CLCN4: variants seen among roughly 807,000 people sequenced by gnomAD.
The protein encoded by CLCN4 is H(+)/Cl(-) exchange transporter 4.
Under a neutral mutation model 41.7 loss-of-function variants are expected in CLCN4, and 1 was observed. That is an observed-to-expected ratio of 0.02 (90% CI 0.01 to 0.11). The LOEUF (loss-of-function observed/expected upper bound fraction) is 0.11. Among genes scored for constraint, CLCN4 ranks in the 10% least tolerant of loss-of-function variants. CLCN4 has a pLI of 1.00. For missense variants in CLCN4, 287 were observed against 661.0 expected, an observed-to-expected ratio of 0.43 and a Z score of 6.20; for synonymous variants, 277 against 285.8, an observed-to-expected ratio of 0.97 and a Z score of 0.31.
rs766485816 is a variant in CLCN4, at chrX:10,235,663, A to G, written c.*2079A>G. 9.8e-5 allele frequency: 11 copies of G among 112,152 alleles called. No individual in the cohort carries two copies. Among genetic ancestry groups the G allele is most frequent in the African/African-American group, 3.6e-4 (11 of 30,913 alleles). 9.2% of individuals were successfully genotyped at this position (112,152 alleles called of 1,213,427 possible). ...AAAACCTAGCTACAAATGGGTTTCT[A>G]TGGAACTTCTAATTAATGTGCAAAA... On this transcript the variant is annotated 3_prime_UTR_variant, in exon 13 of 13. Coordinates refer to ENST00000380833, the MANE Select transcript of CLCN4 (RefSeq NM_001830.4).
intron 2 of CLCN4, among the ~76,000 whole-genome samples, chrX:10,159,999 G>T (rs1440370605): frequency 9.1e-6 from 1 of 110,446 alleles, no homozygotes; most frequent in Non-Finnish European, 1.9e-5. Flanking sequence ...CTGGCATTTG[G>T]GGCCAGATAA....
chrX:10,161,956 C>T (rs1923117012), intron 2 of CLCN4, among the ~76,000 whole-genome samples: 1 of 108,754 alleles, frequency 9.2e-6, no homozygotes, highest in Non-Finnish European at 1.9e-5. Flanking sequence ...CTGAGACCCG[C>T]TGACGGTGTG....
At chrX:10,206,863 C>T (rs62588927) in intron 8 of CLCN4, 87 bp downstream of exon 8, 56 of 636,988 alleles carry the variant, frequency 8.8e-5, no homozygotes, top group Non-Finnish European at 1.1e-4. Flanking sequence ...GATAAGATTC[C>T]GGCAGTTAAT....
intron 6 of CLCN4, among the ~76,000 whole-genome samples, chrX:10,204,643 TTTTTTTA>T (rs1924329598): frequency 7.1e-5 from 6 of 84,856 alleles, no homozygotes; most frequent in African/African-American, 2.7e-4. Context: ...TTTTTTTTTT[TTTTTTTA>T]CATACTACTT....
chrX:10,198,124 T>C, intron 6 of CLCN4, 63 bp downstream of exon 6: 1 of 1,100,605 alleles, frequency 9.1e-7, no homozygotes. Context: ...TGTAGCACTG[T>C]CATGCCAAGC....
chrX:10,175,430 G>A, intron 2 of CLCN4, among the ~76,000 whole-genome samples: 1 of 111,822 alleles, frequency 8.9e-6, no homozygotes, highest in East Asian at 2.8e-4. Flanking sequence ...GGGGCTCCCA[G>A]CACCAAGGAA....
intron 12 of CLCN4, among the ~76,000 whole-genome samples, chrX:10,229,641 G>A (rs1206711947): frequency 9.2e-6 from 1 of 108,573 alleles, no homozygotes; most frequent in Non-Finnish European, 1.9e-5. Flanking sequence ...GAGAACATGC[G>A]GTGTTTGTTT....
At chrX:10,191,792 G>A (rs1569227305) in intron 4 of CLCN4, among the ~76,000 whole-genome samples, 1 of 93,792 alleles carries the variant, frequency 1.1e-5, no homozygotes, top group African/African-American at 4.1e-5. Flanking sequence ...TGTCCACCTC[G>A]GCCTTCCAAA....
At chrX:10,212,218 C>G (rs1457326112) in intron 9 of CLCN4, among the ~76,000 whole-genome samples, 1 of 112,114 alleles carries the variant, frequency 8.9e-6, no homozygotes, top group Non-Finnish European at 1.9e-5. Flanking sequence ...GCAAACCCAG[C>G]CAGCTTTTGA....
intron 12 of CLCN4, among the ~76,000 whole-genome samples, chrX:10,229,501 C>A (rs777440985): frequency 6.0e-4 from 66 of 109,517 alleles, no homozygotes; most frequent in Non-Finnish European, 8.0e-4. Context: ...CCCATTAACT[C>A]ATCATTTACA....
intron 2 of CLCN4, among the ~76,000 whole-genome samples, chrX:10,163,764 TTC>T (rs1045086080): frequency 2.7e-5 from 3 of 112,231 alleles, no homozygotes; most frequent in African/African-American, 9.7e-5. Flanking sequence ...AGGCCAGGGT[TTC>T]TCAACCTTGA....
rs748560247 is a variant in CLCN4 at position 10,234,639 on chromosome X, C to T, written c.*1055C>T. The T allele has an allele frequency of 3.6e-5, 4 of 112,490 alleles. No individual in the cohort carries two copies. Among genetic ancestry groups the T allele is most frequent in the Non-Finnish European group, 7.5e-5 (4 of 53,309 alleles). 9.3% of individuals were successfully genotyped at this position (112,490 alleles called of 1,213,427 possible). ...AGTTGGAATCCCTCCAAATGGATTGCAAGAGAAATACTAAATTGATTCTAA... is the reference window on the plus strand; with the variant it reads ...AGTTGGAATCCCTCCAAATGGATTGTAAGAGAAATACTAAATTGATTCTAA... On this transcript the variant is annotated 3_prime_UTR_variant, in exon 13 of 13. Coordinates refer to ENST00000380833, the MANE Select transcript of CLCN4 (RefSeq NM_001830.4).
intron 11 of CLCN4, among the ~76,000 whole-genome samples, chrX:10,216,120 A>C (rs1924698299): frequency 8.9e-6 from 1 of 112,156 alleles, no homozygotes; most frequent in African/African-American, 3.2e-5. Context: ...TGCCAATTTC[A>C]CTTCCTAGAG....
At chrX:10,212,347 A>C (rs1328533420) in intron 9 of CLCN4, 120 bp from the exon 10 acceptor site, 1 of 662,260 alleles carries the variant, frequency 1.5e-6, no homozygotes, top group Non-Finnish European at 2.3e-6. Flanking sequence ...GCAGAGTTGC[A>C]CCTCCTCTGA....
At chrX:10,216,973 G>A (rs1398441020) in intron 11 of CLCN4, among the ~76,000 whole-genome samples, 2 of 93,440 alleles carry the variant, frequency 2.1e-5, no homozygotes, top group Non-Finnish European at 4.2e-5. Context: ...ACAATAACTT[G>A]TAAAACAATC....
Position 10,195,057 on chromosome X carries a change from C to T in CLCN4, c.391C>T (p.Leu131=). 8.3e-7 allele frequency: 1 copy of T among 1,211,718 alleles called. No individual in the cohort carries two copies. The stretch of plus-strand genomic sequence containing the variant: ...TTTTGAGGACAGAGACAAGTGTCCC[C>T]TGTGGCAGAAATGGTCGGAGCTGCT... The part of the protein sequence containing the change: ...TTFEDRDKCP[L]WQKWSELLVN... The change falls in exon 5 of 13, where the codon CTG becomes TTG. Residue 131 remains leucine, a synonymous_variant. Transcript: ENST00000380833.
chrX:10,214,773 C>G (rs1236973898), intron 11 of CLCN4, among the ~76,000 whole-genome samples: 1 of 111,710 alleles, frequency 9.0e-6, no homozygotes, highest in Non-Finnish European at 1.9e-5. Context: ...GTCAGGGTGT[C>G]CCAACGACAG....
intron 8 of CLCN4, among the ~76,000 whole-genome samples, chrX:10,207,790 C>A (rs768074068): frequency 1.8e-5 from 2 of 111,928 alleles, no homozygotes; most frequent in Non-Finnish European, 3.8e-5. Context: ...GTGCCATGAA[C>A]AGAATTATGA....
intron 2 of CLCN4, among the ~76,000 whole-genome samples, chrX:10,172,136 C>T (rs1293276763): frequency 4.5e-5 from 5 of 112,217 alleles, no homozygotes; most frequent in Non-Finnish European, 7.5e-5. Flanking sequence ...TGCTATATTA[C>T]GTGTTTTCTG....
Sources: allele counts gnomAD v4.1 joint callset (sites outside exome capture counted in the v4.1 genomes callset), GRCh38; gene constraint gnomAD v4.1.1; transcripts MANE v1.5; gene names NCBI Gene and HGNC (gene_info 2026-07-23, HGNC 2026-07-21).